The following BLTP3B variants were observed in gnomAD, a reference collection of about 807,000 sequenced individuals.
BLTP3B encodes UHRF1 (ICBP90) binding protein 1-like.
chr12:100,095,827 C>T, the BLTP3B span: 1 of 1,604,084 alleles, frequency 6.2e-7, no homozygotes, highest in Non-Finnish European at 8.5e-7. Flanking sequence ...TATGACATTG[C>T]AGTCCTTTAA....
the BLTP3B span, among the ~76,000 whole-genome samples, chr12:100,040,076 T>A: frequency 6.6e-6 from 1 of 152,300 alleles, no homozygotes; most frequent in Admixed American, 6.5e-5. Context: ...TTTAATAGAT[T>A]TAATTTAAAG....
chr12:100,087,158 C>CAGA, the BLTP3B span, among the ~76,000 whole-genome samples: 6,833 of 59,850 alleles, frequency 0.11, 241 homozygotes, highest in South Asian at 0.17. Context: ...GACTCCATCT[C>CAGA]AAAAAAAAAA....
At chr12:100,084,424 A>G in the BLTP3B span, 1 of 1,358,124 alleles carries the variant, frequency 7.4e-7, no homozygotes, top group Non-Finnish European at 1.0e-6. Flanking sequence ...ACACACACAC[A>G]CAGAGTGCAA....
chr12:100,062,976 T>TA, the BLTP3B span, among the ~76,000 whole-genome samples: 6 of 148,944 alleles, frequency 4.0e-5, no homozygotes, highest in Admixed American at 6.7e-5. Flanking sequence ...AGAAAAGAAT[T>TA]TAAAAAAAAA....
chr12:100,076,198 TATATATTAATATTCACAAAGTTCAACCAA>T, the BLTP3B span, among the ~76,000 whole-genome samples: 1 of 152,086 alleles, frequency 6.6e-6, no homozygotes, highest in African/African-American at 2.4e-5. Context: ...ATCAAAAATG[TATATATTAATATTCACAAAGTTCAACCAA>T]TAAAGTTTTA....
the BLTP3B span, among the ~76,000 whole-genome samples, chr12:100,117,899 G>T: frequency 6.6e-6 from 1 of 152,152 alleles, no homozygotes; most frequent in Admixed American, 6.5e-5. Context: ...ATTTTAGGAA[G>T]TTATCTGGGG....
the BLTP3B span, among the ~76,000 whole-genome samples, chr12:100,074,370 G>A: frequency 1.8e-4 from 27 of 152,108 alleles, 1 homozygote; most frequent in South Asian, 2.1e-3. Flanking sequence ...AGGCTGAGGC[G>A]GGCAGATCAT....
At chr12:100,091,718 T>C in the BLTP3B span, among the ~76,000 whole-genome samples, 1 of 151,224 alleles carries the variant, frequency 6.6e-6, no homozygotes, top group Non-Finnish European at 1.5e-5. Flanking sequence ...TTAGCCAGGA[T>C]GGTCTTGATC....
chr12:100,118,146 A>G, the BLTP3B span, among the ~76,000 whole-genome samples: 3 of 152,156 alleles, frequency 2.0e-5, no homozygotes, highest in South Asian at 2.1e-4. Context: ...ACAAACCCCA[A>G]TTGAAGGACA....
At chr12:100,089,107 C>T in the BLTP3B span, 63 of 1,479,902 alleles carry the variant, frequency 4.3e-5, no homozygotes, top group African/African-American at 7.3e-4. Flanking sequence ...TAAAAAGATT[C>T]GAAACTGCCT....
chr12:100,058,663 A>T, the BLTP3B span: 2 of 1,614,086 alleles, frequency 1.2e-6, no homozygotes, highest in Non-Finnish European at 1.7e-6. Context: ...GGATGGAGCA[A>T]AAGAGCCAGT....
the BLTP3B span, among the ~76,000 whole-genome samples, chr12:100,045,585 G>A: frequency 6.6e-6 from 1 of 152,144 alleles, no homozygotes; most frequent in South Asian, 2.1e-4. Flanking sequence ...ACTGAAGATG[G>A]ATTAAAGACT....
At chr12:100,125,578 G>T in the BLTP3B span, among the ~76,000 whole-genome samples, 3 of 152,102 alleles carry the variant, frequency 2.0e-5, no homozygotes, top group African/African-American at 7.2e-5. Flanking sequence ...CGCCTGGGAG[G>T]TCAAGGCTGC....
At chr12:100,127,474 A>G in the BLTP3B span, among the ~76,000 whole-genome samples, 9 of 152,338 alleles carry the variant, frequency 5.9e-5, no homozygotes, top group Non-Finnish European at 1.2e-4. Context: ...TACTTGTGGC[A>G]TTTAATTAAC....
the BLTP3B span, among the ~76,000 whole-genome samples, chr12:100,048,461 T>C: frequency 6.6e-6 from 1 of 152,136 alleles, no homozygotes; most frequent in Non-Finnish European, 1.5e-5. Context: ...GTGTGATACA[T>C]GCCTCAGATA....
the BLTP3B span, among the ~76,000 whole-genome samples, chr12:100,061,492 C>A: frequency 1.3e-5 from 2 of 151,860 alleles, no homozygotes; most frequent in African/African-American, 4.8e-5. Context: ...CCCGTCTCTA[C>A]TAAAAATGCA....
the BLTP3B span, among the ~76,000 whole-genome samples, chr12:100,042,124 G>T: frequency 1.3e-5 from 2 of 152,080 alleles, no homozygotes; most frequent in Admixed American, 1.3e-4. Flanking sequence ...TAAATAGATG[G>T]AAAAAATTCC....
chr12:100,129,734 TACAG>T, the BLTP3B span, among the ~76,000 whole-genome samples: 1 of 151,878 alleles, frequency 6.6e-6, no homozygotes, highest in East Asian at 1.9e-4. Context: ...TATGAAGAGA[TACAG>T]ACAATCTGGC....
At chr12:100,131,572 G>A in the BLTP3B span, among the ~76,000 whole-genome samples, 8 of 152,098 alleles carry the variant, frequency 5.3e-5, no homozygotes, top group Non-Finnish European at 1.2e-4. Context: ...CATCTTGGCT[G>A]GGAATAATCT....
Sources: allele counts gnomAD v4.1 joint callset (sites outside exome capture counted in the v4.1 genomes callset), GRCh38; gene constraint gnomAD v4.1.1; transcripts MANE v1.5; gene names NCBI Gene and HGNC (gene_info 2026-07-23, HGNC 2026-07-21).